Variants in KCNMA1 observed in about 807,000 individuals in gnomAD.
KCNMA1 encodes potassium calcium-activated channel subfamily M alpha 1, also known as Calcium-activated potassium channel subunit alpha-1.
KCNMA1 carries 29 observed loss-of-function variants against 140.0 expected under a neutral mutation model. The observed-to-expected ratio is 0.21, with a 90% CI of 0.15 to 0.28. The LOEUF is 0.28. KCNMA1 is among the 10% of genes least tolerant of loss of function. The probability of loss-of-function intolerance (pLI) is 1.00; values close to 1 mark genes in which losing one functional copy is unlikely to be tolerated. For missense variants in KCNMA1, 880 were observed against 1,602.2 expected, an observed-to-expected ratio of 0.55 and a Z score of 7.70; for synonymous variants, 612 against 611.9, an observed-to-expected ratio of 1.00 and a Z score of 0.00.
chr10:76,897,155 G>T (rs1262010803), intron 25 of KCNMA1, among the ~76,000 whole-genome samples: 1 of 151,798 alleles, frequency 6.6e-6, no homozygotes, highest in Non-Finnish European at 1.5e-5. Context: ...TTGAGAAAAA[G>T]ACAACAAAGG....
At chr10:77,333,521 T>C (rs1049490687) in intron 2 of KCNMA1, among the ~76,000 whole-genome samples, 1 of 149,768 alleles carries the variant, frequency 6.7e-6, no homozygotes, top group Non-Finnish European at 1.5e-5. Flanking sequence ...TATAAACGAG[T>C]CGCATGCTTA....
At chr10:77,522,408 G>A (rs190958487) in intron 1 of KCNMA1, among the ~76,000 whole-genome samples, 45 of 152,028 alleles carry the variant, frequency 3.0e-4, no homozygotes, top group Non-Finnish European at 4.6e-4. Context: ...CATTTGCCTC[G>A]CCTCCTCCTT....
intron 3 of KCNMA1, among the ~76,000 whole-genome samples, chr10:77,213,679 C>A (rs1031907567): frequency 3.3e-5 from 5 of 152,174 alleles, no homozygotes; most frequent in Non-Finnish European, 5.9e-5. Flanking sequence ...ATAGACCAAC[C>A]ACCAGAAGTG....
At chr10:77,212,002 T>C (rs1598851253) in intron 3 of KCNMA1, among the ~76,000 whole-genome samples, 2 of 152,334 alleles carry the variant, frequency 1.3e-5, no homozygotes, top group South Asian at 4.1e-4. Context: ...TTGGTGGGAA[T>C]GTAAATTTGT....
In KCNMA1 at chr10:76,960,198, C is replaced by A. The variant is rs371197141; in HGVS notation, c.2361-6274G>T. Among the ~76,000 whole-genome samples, 5 of 152,176 alleles carry A rather than the reference C, an allele frequency of 3.3e-5. 1 individual carries two copies. Among genetic ancestry groups the A allele is most frequent in the Admixed American group, 6.5e-5 (1 of 15,286 alleles). The stretch of plus-strand genomic sequence containing the variant: ...CCATAACCCTTGCATCTCAGCTCAC[C>A]CTCCAGTGTCCACAGCTAGAAATTC... On this transcript the variant is annotated intron_variant, in intron 20 of 27. Transcript: ENST00000286628.
chr10:76,949,425 G>T, intron 21 of KCNMA1, 59 bp from the exon 22 acceptor site: 1 of 1,333,048 alleles, frequency 7.5e-7, no homozygotes, highest in Non-Finnish European at 1.1e-6. Flanking sequence ...CTGTTGTAAG[G>T]AGTGAAATAA....
At chr10:77,529,766 C>A (rs1205336388) in intron 1 of KCNMA1, among the ~76,000 whole-genome samples, 1 of 152,004 alleles carries the variant, frequency 6.6e-6, no homozygotes, top group Non-Finnish European at 1.5e-5. Context: ...AGAGAGTGAC[C>A]AGGCCAACCA....
chr10:77,516,020 A>G (rs2050286496), intron 1 of KCNMA1, among the ~76,000 whole-genome samples: 1 of 152,186 alleles, frequency 6.6e-6, no homozygotes, highest in Admixed American at 6.5e-5. Context: ...TGAACCAGCA[A>G]CTTCTCCAGG....
At chr10:77,434,339 G>C (rs1375014002) in intron 1 of KCNMA1, among the ~76,000 whole-genome samples, 2 of 152,208 alleles carry the variant, frequency 1.3e-5, no homozygotes. Flanking sequence ...CCTGTGGAAA[G>C]GAGGTATCTT....
chr10:77,015,377 C>T (rs2091820710), intron 17 of KCNMA1, among the ~76,000 whole-genome samples: 1 of 151,994 alleles, frequency 6.6e-6, no homozygotes, highest in South Asian at 2.1e-4. Context: ...GTGAAGGTGG[C>T]TTCCCCTTTC....
Position 76,891,774 on chromosome 10 carries a change from A to T in KCNMA1, c.3148-55T>A. The stretch of plus-strand genomic sequence containing the variant: ...TCCTTTAAGCAAACACCCTAAAGTC[A>T]TGACAGCCGACATCCAAATTACAAC... On this transcript the variant is annotated intron_variant, in intron 25 of 27. Transcript: ENST00000286628. 2.8e-6 allele frequency: 4 copies of T among 1,423,922 alleles called. No homozygotes were observed. The South Asian group carries it at 4.6e-5, about 16-fold the overall frequency. The allele number at this position is 1,423,922 out of a possible 1,614,324, so 88.2% of individuals were successfully genotyped here. A position where few individuals can be genotyped will look rare whatever the true frequency, so the allele number is the denominator to read the frequency against.
At chr10:77,336,132 AT>A (rs146046104) in intron 2 of KCNMA1, among the ~76,000 whole-genome samples, 3,860 of 152,256 alleles carry the variant, frequency 0.025, 154 homozygotes, top group African/African-American at 0.088. Flanking sequence ...TCTCCCAGAT[AT>A]TTTTTTAAGT....
downstream of KCNMA1, chr10:76,883,870 C>T (rs1396862946): frequency 3.3e-6 from 1 of 303,608 alleles, no homozygotes; most frequent in East Asian, 1.7e-4. Context: ...GGAGGGGACT[C>T]TTCACTCTAT....
At chr10:77,480,117 T>C (rs896495075) in intron 1 of KCNMA1, among the ~76,000 whole-genome samples, 3 of 152,202 alleles carry the variant, frequency 2.0e-5, no homozygotes, top group African/African-American at 7.2e-5. Context: ...CCCCACCAAA[T>C]ACGACGCCCA....
At chr10:77,167,512 G>A (rs909534935) in intron 5 of KCNMA1, among the ~76,000 whole-genome samples, 3 of 151,940 alleles carry the variant, frequency 2.0e-5, no homozygotes, top group Admixed American at 6.6e-5. Flanking sequence ...ACAACAGCTG[G>A]CACATTACAC....
chr10:76,994,844 TGAAG>T (rs1297921990), intron 19 of KCNMA1, among the ~76,000 whole-genome samples: 1 of 152,174 alleles, frequency 6.6e-6, no homozygotes, highest in African/African-American at 2.4e-5. Flanking sequence ...CCATCTCCGA[TGAAG>T]GAAGTATCCA....
intron 1 of KCNMA1, chr10:77,636,176 A>C: frequency 7.0e-7 from 1 of 1,418,748 alleles, no homozygotes; most frequent in Non-Finnish European, 9.2e-7. Flanking sequence ...ATTACTCAGA[A>C]AGAAGGCAGC....
intron 1 of KCNMA1, among the ~76,000 whole-genome samples, chr10:77,519,830 T>G (rs929878890): frequency 2.0e-5 from 3 of 152,176 alleles, no homozygotes; most frequent in African/African-American, 7.2e-5. Flanking sequence ...GAAAAGGGCC[T>G]TGTTTGAGGG....
intron 15 of KCNMA1, among the ~76,000 whole-genome samples, chr10:77,037,819 C>T (rs1454513570): frequency 6.6e-6 from 1 of 152,100 alleles, no homozygotes; most frequent in Non-Finnish European, 1.5e-5. Context: ...CCTGCTTTCC[C>T]CCGGGGCTTT....
Sources: allele counts gnomAD v4.1 joint callset (sites outside exome capture counted in the v4.1 genomes callset), GRCh38; gene constraint gnomAD v4.1.1; transcripts MANE v1.5; gene names NCBI Gene and HGNC (gene_info 2026-07-23, HGNC 2026-07-21).